SSBP2: variants seen among roughly 807,000 people sequenced by gnomAD.
SSBP2 encodes single-stranded DNA-binding protein 2.
In SSBP2, 17 loss-of-function variants were observed where a neutral mutation model predicts 61.8. The observed-to-expected ratio is 0.28, with a 90% CI of 0.19 to 0.41. The LOEUF (loss-of-function observed/expected upper bound fraction) is 0.41. Among genes scored for constraint, SSBP2 ranks in the 10% least tolerant of loss-of-function variants. The pLI is 1.00. For missense variants in SSBP2, 310 were observed against 458.7 expected (o/e 0.68, Z 2.96); for synonymous variants, 139 against 141.3 (o/e 0.98, Z 0.12).
chr5:81,579,234 T>A (rs966842687), intron 4 of SSBP2, among the ~76,000 whole-genome samples: 1 of 151,540 alleles, frequency 6.6e-6, no homozygotes, highest in Non-Finnish European at 1.5e-5. Context: ...AAGTTTCTTA[T>A]TGTTTTTTTT....
At chr5:81,544,962 G>C (rs144574443) in intron 4 of SSBP2, among the ~76,000 whole-genome samples, 105 of 152,294 alleles carry the variant, frequency 6.9e-4, no homozygotes, top group Admixed American at 1.8e-3. Context: ...TGAATATAGA[G>C]GAGGATAAGG....
intron 4 of SSBP2, among the ~76,000 whole-genome samples, chr5:81,612,259 CA>C: frequency 6.6e-6 from 1 of 152,168 alleles, no homozygotes. Context: ...ATACAAAAAA[CA>C]ACAGATGTCT....
chr5:81,589,583 G>C (rs1775336480), intron 4 of SSBP2, among the ~76,000 whole-genome samples: 2 of 152,122 alleles, frequency 1.3e-5, no homozygotes, highest in Admixed American at 6.5e-5. Flanking sequence ...GATGAGTGAA[G>C]ATCTTAAAAT....
chr5:81,428,540 T>C, intron 16 of SSBP2, 45 bp downstream of exon 16: 1 of 1,471,948 alleles, frequency 6.8e-7, no homozygotes, highest in Non-Finnish European at 9.5e-7. Context: ...GCAGAAGAGC[T>C]TCAGAAATAA....
At chr5:81,488,058 T>TATATAA (rs1491473867) in intron 6 of SSBP2, among the ~76,000 whole-genome samples, 1 of 83,192 alleles carries the variant, frequency 1.2e-5, no homozygotes, top group Non-Finnish European at 2.1e-5. Flanking sequence ...TATATATATA[T>TATATAA]AAATAAAATA....
chr5:81,575,373 A>C (rs973007539), intron 4 of SSBP2, among the ~76,000 whole-genome samples: 2 of 152,240 alleles, frequency 1.3e-5, no homozygotes, highest in African/African-American at 4.8e-5. Context: ...TAAAATACAG[A>C]ACAATAACAT....
At chr5:81,571,604 A>G (rs959386022) in intron 4 of SSBP2, among the ~76,000 whole-genome samples, 11 of 152,166 alleles carry the variant, frequency 7.2e-5, no homozygotes, top group African/African-American at 2.7e-4. Flanking sequence ...GCTTAAATAT[A>G]GAATTGATTT....
At chr5:81,473,599 A>G in intron 8 of SSBP2, 101 bp downstream of exon 8, 4 of 1,001,434 alleles carry the variant, frequency 4.0e-6, no homozygotes, top group Non-Finnish European at 6.2e-6. Flanking sequence ...ATAGTATTCC[A>G]TGGTATACAT....
At chr5:81,670,703 CCT>C (rs1185610096) in intron 1 of SSBP2, among the ~76,000 whole-genome samples, 1 of 152,124 alleles carries the variant, frequency 6.6e-6, no homozygotes, top group Non-Finnish European at 1.5e-5. Context: ...CTTAATTCCC[CCT>C]GTGAATTCTC....
At chr5:81,556,613 C>T (rs988867331) in intron 4 of SSBP2, among the ~76,000 whole-genome samples, 1 of 152,060 alleles carries the variant, frequency 6.6e-6, no homozygotes. Context: ...CCTTTATTTA[C>T]TTTTACTATG....
chr5:81,636,657 C>A, intron 2 of SSBP2, 39 bp from the exon 3 acceptor site: 1 of 1,429,414 alleles, frequency 7.0e-7, no homozygotes, highest in Non-Finnish European at 9.7e-7. Flanking sequence ...CCTAATAATA[C>A]TTTTTTCCAC....
chr5:81,531,319 C>T (rs908310441), intron 4 of SSBP2, among the ~76,000 whole-genome samples: 1 of 146,868 alleles, frequency 6.8e-6, no homozygotes, highest in Non-Finnish European at 1.5e-5. Context: ...AAAATTTTTA[C>T]AGAGGAAAAG....
At chr5:81,580,741 C>T (rs962159097) in intron 4 of SSBP2, among the ~76,000 whole-genome samples, 2 of 103,240 alleles carry the variant, frequency 1.9e-5, no homozygotes, top group Admixed American at 2.2e-4. Flanking sequence ...TAAAAAATTT[C>T]AGTGTAGGTA....
intron 3 of SSBP2, among the ~76,000 whole-genome samples, chr5:81,632,051 A>C (rs1747778054): frequency 6.6e-6 from 1 of 152,184 alleles, no homozygotes; most frequent in Admixed American, 6.5e-5. Context: ...TGCAGAAAGA[A>C]AATCTCATCT....
intron 4 of SSBP2, among the ~76,000 whole-genome samples, chr5:81,529,375 A>C (rs1490189922): frequency 6.6e-6 from 1 of 152,128 alleles, no homozygotes; most frequent in African/African-American, 2.4e-5. Flanking sequence ...TATTCTTTCT[A>C]TGTTTGTGAG....
At chr5:81,597,437 G>T (rs1379052094) in intron 4 of SSBP2, among the ~76,000 whole-genome samples, 1 of 152,174 alleles carries the variant, frequency 6.6e-6, no homozygotes, top group Non-Finnish European at 1.5e-5. Context: ...AACCATTGTG[G>T]AAGTCAGTGT....
chr5:81,473,326 G>C (rs1765373406), intron 8 of SSBP2, among the ~76,000 whole-genome samples: 1 of 152,136 alleles, frequency 6.6e-6, no homozygotes, highest in Admixed American at 6.5e-5. Context: ...CGCCATGGTA[G>C]TTTGCGGCAC....
intron 1 of SSBP2, among the ~76,000 whole-genome samples, chr5:81,678,653 GA>G (rs1160234800): frequency 6.6e-5 from 10 of 151,248 alleles, no homozygotes; most frequent in African/African-American, 2.4e-4. Context: ...CAAAGATAAA[GA>G]AAAAAATCTT....
In SSBP2 at chr5:81,686,869, AAAAGAAAAGAAAAGAAAAG is replaced by A. The variant is rs1752839364; in HGVS notation, c.63-36549_63-36531del. On this transcript the variant is annotated intron_variant, in intron 1 of 16. Coordinates refer to ENST00000320672, the MANE Select transcript of SSBP2 (RefSeq NM_012446.5). The stretch of plus-strand genomic sequence containing the variant: ...GACTTCATCTCAAAAAAAAAAAAAA[AAAAGAAAAGAAAAGAAAAG>A]AAAAGAAAAGAAAAGAAAAGAAAAG... Among the ~76,000 whole-genome samples the A allele has an allele frequency of 7.4e-4, 12 of 16,298 alleles. 1 individual carries two copies. Among genetic ancestry groups the A allele is most frequent in the African/African-American group, 2.9e-3 (10 of 3,454 alleles). 10.7% of individuals were successfully genotyped at this position (16,298 alleles called of 152,430 possible).
Sources: gnomAD v4.1 joint callset for allele counts (sites outside exome capture counted in the v4.1 genomes callset) on GRCh38, gnomAD v4.1.1 for gene constraint, MANE v1.5 for transcripts, NCBI Gene and HGNC (gene_info 2026-07-23, HGNC 2026-07-21) for gene names.